Variants in FLG observed in about 807,000 individuals in gnomAD.
The protein encoded by FLG is filaggrin.
A neutral mutation model predicts 3.8 loss-of-function variants in FLG; 6 were observed. The observed-to-expected ratio is 1.60, with a 90% confidence interval of 0.87 to 3.15. The LOEUF (loss-of-function observed/expected upper bound fraction) is 3.15. Among genes scored for constraint, FLG ranks in the 30% most tolerant of loss-of-function variants. The pLI is 0.00. For synonymous variants in FLG, 2,551 were observed against 1,931.6 expected, an observed-to-expected ratio of 1.32 and a Z score of -8.41; for missense variants, 7,595 against 5,050.9, an observed-to-expected ratio of 1.50 and a Z score of -15.27.
In FLG at chr1:152,315,365, T is replaced by A. The variant is rs1652748910; in HGVS notation, c.92A>T (p.Lys31Ile). 1 of 1,613,310 alleles carries A rather than the reference T, an allele frequency of 6.2e-7. No homozygotes were observed. Among genetic ancestry groups the A allele is most frequent in the Non-Finnish European group, 8.5e-7 (1 of 1,179,570 alleles). Reference protein sequence around the residue: ...KDKNTDTLSKKELKELLEKEF... With the variant: ...KDKNTDTLSKIELKELLEKEF... ...CTTTTCCAGAAGTTCCTTCAGCTCT[T>A]TTTTACTCAATGTGTCAGTGTTTTT... Residue 31 changes from lysine to isoleucine, a missense_variant, in exon 2 of 3, where the codon AAA becomes ATA. Transcript: ENST00000368799.
Position 152,304,793 on chromosome 1 carries a change from G to C in FLG, c.10093C>G (p.Gln3365Glu). 6.2e-7 allele frequency: 1 copy of C among 1,613,904 alleles called. No homozygotes were observed. The change falls in exon 3 of 3, where the codon CAG (glutamine) becomes GAG (glutamate). Residue 3365 changes from glutamine (Q) to glutamate (E), a missense_variant. Coordinates refer to ENST00000368799, the MANE Select transcript of FLG (RefSeq NM_002016.2). ...CGTGCGGACTCTTGGTGGCTCTGCT[G>C]ATGGGGCCCAGCCTGTCCATGGCCT... Reference protein sequence around the residue: ...VSGHGQAGPHQQSHQESARDR... With the variant: ...VSGHGQAGPHEQSHQESARDR...
chr1:152,307,666 C>T lies in FLG; in HGVS notation c.7220G>A (p.Arg2407Lys), dbSNP rs568784696. Reference sequence around the variant, plus strand: ...GAGGAAAGACCCTGAACGTCCAGACCTTCCTGCTGACCGGCCACGTGTGGA... The same window carrying T: ...GAGGAAAGACCCTGAACGTCCAGACTTTCCTGCTGACCGGCCACGTGTGGA... ...QESTRGRSAG[R>K]SGRSGSFLYQ... The change falls in exon 3 of 3, where the codon AGG becomes AAG. Residue 2407 changes from arginine (R) to lysine (K), a missense_variant. Transcript: ENST00000368799. 48 of 1,613,252 alleles carry T rather than the reference C, an allele frequency of 3.0e-5. 1 individual carries two copies. In the South Asian group the frequency reaches 4.9e-4, roughly 17 times the overall value.
chr1:152,302,426 C>T lies in FLG; in HGVS notation c.*274G>A, dbSNP rs1651666362. 1 of 435,078 alleles carries T rather than the reference C, an allele frequency of 2.3e-6. No homozygotes were observed. Among genetic ancestry groups the T allele is most frequent in the South Asian group, 2.8e-5 (1 of 35,152 alleles). The allele number at this position is 435,078 out of a possible 1,614,324, so 27.0% of individuals were successfully genotyped here. The stretch of plus-strand genomic sequence containing the variant: ...AAACTTTCAAAAACATAAAACATTA[C>T]TTGACCCAGAATCTCCTAAAATACT... On this transcript the variant is annotated 3_prime_UTR_variant, in exon 3 of 3. Transcript: ENST00000368799.
At chr1:152,314,800 C>T in intron 2 of FLG, 53 bp from the exon 3 acceptor site, 3 of 1,607,558 alleles carry the variant, frequency 1.9e-6, no homozygotes, top group Non-Finnish European at 8.5e-7. Flanking sequence ...ATCACATTAT[C>T]AGCCAATTAA....
chr1:152,321,768 A>G (rs1190856488), intron 1 of FLG, among the ~76,000 whole-genome samples: 5 of 151,264 alleles, frequency 3.3e-5, no homozygotes, highest in Non-Finnish European at 5.9e-5. Context: ...CACATAGATT[A>G]TTTCAGAGAA....
Position 152,313,793 on chromosome 1 carries a change from A to G in FLG, c.1093T>C (p.Ser365Pro), listed in dbSNP as rs1409159447. The G allele has an allele frequency of 6.2e-7, 1 of 1,614,064 alleles. No individual in the cohort carries two copies. Among genetic ancestry groups the G allele is most frequent in the Non-Finnish European group, 8.5e-7 (1 of 1,179,992 alleles). ...TGGGATGATGCAGTCTGTCCACGAGAGGAAGTCTCTGCGTGACGAGTGCCT... is the reference window on the plus strand; with the variant it reads ...TGGGATGATGCAGTCTGTCCACGAGGGGAAGTCTCTGCGTGACGAGTGCCT... The part of the protein sequence containing the change: ...QSGTRHAETS[S>P]RGQTASSHEQ... The change falls in exon 3 of 3, where the codon TCT becomes CCT. Residue 365 changes from serine (S) to proline (P), a missense_variant. By Grantham distance (74) the Ser-to-Pro change is moderately conservative. Transcript: ENST00000368799.
In FLG at chr1:152,308,359, C is replaced by A. The variant is rs749135800; in HGVS notation, c.6527G>T (p.Arg2176Met). ...SHHSHTTSQG[R>M]SDASRGQSGS... The stretch of plus-strand genomic sequence containing the variant: ...TGACTGCCCACGGGAGGCATCAGAC[C>A]TTCCCTGGGATGTGGTGTGGCTGTG... The change falls in exon 3 of 3, where the codon AGG becomes ATG. Residue 2176 changes from arginine to methionine, a missense_variant. Coordinates refer to ENST00000368799, the MANE Select transcript of FLG (RefSeq NM_002016.2). 5.6e-6 allele frequency: 9 copies of A among 1,613,652 alleles called. No homozygotes were observed. The highest frequency in any genetic ancestry group is 6.8e-6 in the Non-Finnish European group (8 of 1,179,838).
Position 152,313,371 on chromosome 1 carries a change from C to G in FLG, c.1515G>C (p.Arg505Ser), listed in dbSNP as rs761320135. The change falls in exon 3 of 3, where the codon AGG becomes AGC. Residue 505 changes from arginine to serine, a missense_variant. Physicochemically the swap from Arg to Ser is moderately radical, Grantham distance 110. Coordinates refer to ENST00000368799, the MANE Select transcript of FLG (RefSeq NM_002016.2). The part of the protein sequence containing the change: ...SHHEQARDSS[R>S]HSASQEGQDT... ...CCTGACCCTCTTGGGACGCTGAATGCCTGGAGCTGTCTCGTGCCTGCTCGT... is the reference window on the plus strand; with the variant it reads ...CCTGACCCTCTTGGGACGCTGAATGGCTGGAGCTGTCTCGTGCCTGCTCGT... 32 of 1,613,174 alleles carry G rather than the reference C, an allele frequency of 2.0e-5. No homozygotes were observed. The East Asian group carries it at 6.7e-4, about 34-fold the overall frequency.
Position 152,313,806 on chromosome 1 carries a change from G to C in FLG, c.1080C>G (p.His360Gln). Residue 360 changes from histidine to glutamine, a missense_variant, in exon 3 of 3, where the codon CAC (histidine) becomes CAG (glutamine). Coordinates refer to ENST00000368799, the MANE Select transcript of FLG (RefSeq NM_002016.2). Reference protein sequence around the residue: ...ADSSRQSGTRHAETSSRGQTA... With the variant: ...ADSSRQSGTRQAETSSRGQTA... ...TCTGTCCACGAGAGGAAGTCTCTGCGTGACGAGTGCCTGATTGTCTGGAGC... is the reference window on the plus strand; with the variant it reads ...TCTGTCCACGAGAGGAAGTCTCTGCCTGACGAGTGCCTGATTGTCTGGAGC... 6.2e-7 allele frequency: 1 copy of C among 1,614,118 alleles called. No individual in the cohort carries two copies. Among genetic ancestry groups the C allele is most frequent in the South Asian group, 1.1e-5 (1 of 91,074 alleles).
chr1:152,309,593 A>G lies in FLG; in HGVS notation c.5293T>C (p.Phe1765Leu), dbSNP rs1169705837. The stretch of plus-strand genomic sequence containing the variant: ...TCATGAGTGCTCACCTGGTAGAGGA[A>G]AGACCCTGAACGTCCAGACCTTTCC... Reference protein sequence around the residue: ...SGERSGRSGSFLYQVSTHEQS... With the variant: ...SGERSGRSGSLLYQVSTHEQS... Residue 1765 changes from phenylalanine to leucine, a missense_variant, in exon 3 of 3, where the codon TTC becomes CTC. By Grantham distance (22) the Phe-to-Leu change is conservative. Transcript: ENST00000368799. 2 of 1,613,682 alleles carry G rather than the reference A, an allele frequency of 1.2e-6. No homozygotes were observed. The highest frequency in any genetic ancestry group is 2.2e-5 in the South Asian group (2 of 91,048).
In FLG at chr1:152,305,084, C is replaced by A. The variant is rs769328950; in HGVS notation, c.9802G>T (p.Ala3268Ser). The change falls in exon 3 of 3, where the codon GCA becomes TCA. Residue 3268 changes from alanine (A) to serine (S), a missense_variant. By Grantham distance (99) the Ala-to-Ser change is moderately conservative (BLOSUM62 1). Transcript: ENST00000368799. Reference protein sequence around the residue: ...HEDRAGHGHSADRSRQSGTRH... With the variant: ...HEDRAGHGHSSDRSRQSGTRH... ...GTGCCTGATTGTCTGGAGCGGTCTG[C>A]AGAGTGCCCGTGACCGGCTCTGTCT... The A allele has an allele frequency of 1.4e-5, 22 of 1,613,802 alleles. No homozygotes were observed. The highest frequency in any genetic ancestry group is 1.4e-5 in the Non-Finnish European group (17 of 1,179,960).
rs1393831758 is a variant in FLG, at chr1:152,310,707, A to T, written c.4179T>A (p.Ser1393Arg). Reference protein sequence around the residue: ...RDSGHRGSSGSQVTNSEGHSE... With the variant: ...RDSGHRGSSGRQVTNSEGHSE... ...AATGTCCCTCACTGTTAGTGACCTG[A>T]CTACCACTGGACCCTCGGTGTCCAC... Residue 1393 changes from serine (S) to arginine (R), a missense_variant, in exon 3 of 3, where the codon AGT becomes AGA. By Grantham distance (110) the Ser-to-Arg change is moderately radical. Coordinates refer to ENST00000368799, the MANE Select transcript of FLG (RefSeq NM_002016.2). 6.2e-7 allele frequency: 1 copy of T among 1,613,808 alleles called. No homozygotes were observed. Among genetic ancestry groups the T allele is most frequent in the Non-Finnish European group, 8.5e-7 (1 of 1,179,978 alleles).
rs760486851 is a variant in FLG at position 152,314,027 on chromosome 1, A to G, written c.859T>C (p.Ser287Pro). The G allele has an allele frequency of 3.1e-6, 5 of 1,613,026 alleles. No homozygotes were observed. Among genetic ancestry groups the G allele is most frequent in the Non-Finnish European group, 4.2e-6 (5 of 1,179,722 alleles). ...ENTSQVPLQE[S>P]RTRKRRGSRV... ...GATCCCCTACGCTTTCTTGTCCTGGACTCCTGCAATGGTACCTGGCTTGTA... is the reference window on the plus strand; with the variant it reads ...GATCCCCTACGCTTTCTTGTCCTGGGCTCCTGCAATGGTACCTGGCTTGTA... The change falls in exon 3 of 3, where the codon TCC becomes CCC. Residue 287 changes from serine (S) to proline (P), a missense_variant. Physicochemically the swap from Ser to Pro is moderately conservative, Grantham distance 74. Coordinates refer to ENST00000368799, the MANE Select transcript of FLG (RefSeq NM_002016.2).
chr1:152,308,503 T>G lies in FLG; in HGVS notation c.6383A>C (p.His2128Pro). Reference protein sequence around the residue: ...HYDQAQDSSRHSASQEGQDTI... With the variant: ...HYDQAQDSSRPSASQEGQDTI... ...GTCCTGACCCTCTTGGGATGCTGAG[T>G]GCCTGGAGCTGTCTTGTGCCTGATC... The change falls in exon 3 of 3, where the codon CAC becomes CCC. Residue 2128 changes from histidine to proline, a missense_variant. Physicochemically the swap from His to Pro is moderately conservative, Grantham distance 77. Coordinates refer to ENST00000368799, the MANE Select transcript of FLG (RefSeq NM_002016.2). 1 of 1,613,670 alleles carries G rather than the reference T, an allele frequency of 6.2e-7. No individual in the cohort carries two copies. Among genetic ancestry groups the G allele is most frequent in the Non-Finnish European group, 8.5e-7 (1 of 1,179,740 alleles).
At chr1:152,320,435 T>C (rs931583454) in intron 1 of FLG, among the ~76,000 whole-genome samples, 2 of 150,886 alleles carry the variant, frequency 1.3e-5, no homozygotes, top group African/African-American at 4.9e-5. Flanking sequence ...AGAGATACCA[T>C]TCAAACACTA....
At position 152,303,457 on chromosome 1, in the gene FLG, C is replaced by G; in HGVS notation, c.11429G>C (p.Ser3810Thr). ...CTGTTCCTCATTACGTGTTTCTCTGCTTGCACTTCTGGATCCTGACTGCCC... is the reference window on the plus strand; with the variant it reads ...CTGTTCCTCATTACGTGTTTCTCTGGTTGCACTTCTGGATCCTGACTGCCC... Reference protein sequence around the residue: ...SHGQSGSRSASRETRNEEQSG... With the variant: ...SHGQSGSRSATRETRNEEQSG... The change falls in exon 3 of 3, where the codon AGC (serine) becomes ACC (threonine). Residue 3810 changes from serine to threonine, a missense_variant. Physicochemically the swap from Ser to Thr is moderately conservative, Grantham distance 58 (BLOSUM62 1). Transcript: ENST00000368799. The G allele has an allele frequency of 6.2e-7, 1 of 1,614,108 alleles. No individual in the cohort carries two copies. The highest frequency in any genetic ancestry group is 8.5e-7 in the Non-Finnish European group (1 of 1,180,022).
chr1:152,302,645 A>G lies in FLG; in HGVS notation c.*55T>C. The G allele has an allele frequency of 6.2e-7, 1 of 1,601,470 alleles. No individual in the cohort carries two copies. Among genetic ancestry groups the G allele is most frequent in the African/African-American group, 1.3e-5 (1 of 74,686 alleles). On this transcript the variant is annotated 3_prime_UTR_variant, in exon 3 of 3. Coordinates refer to ENST00000368799, the MANE Select transcript of FLG (RefSeq NM_002016.2). The stretch of plus-strand genomic sequence containing the variant: ...AAGTATTATGAAGTTTCTTGATTGA[A>G]AGTGAACTTGCTTCATTCTTCTATT...
rs200505799 is a variant in FLG at position 152,309,631 on chromosome 1, C to T, written c.5255G>A (p.Arg1752His). Reference protein sequence around the residue: ...PHQQSHQESTRGQSGERSGRS... With the variant: ...PHQQSHQESTHGQSGERSGRS... ...TCCAGACCTTTCCCCTGACTGGCCACGTGTGGACTCTTGGTGGCTCTGCTG... is the reference window on the plus strand; with the variant it reads ...TCCAGACCTTTCCCCTGACTGGCCATGTGTGGACTCTTGGTGGCTCTGCTG... Residue 1752 changes from arginine to histidine, a missense_variant, in exon 3 of 3, where the codon CGT (arginine) becomes CAT (histidine). Coordinates refer to ENST00000368799, the MANE Select transcript of FLG (RefSeq NM_002016.2). The T allele has an allele frequency of 1.7e-5, 27 of 1,613,982 alleles. No homozygotes were observed. In the East Asian group the frequency reaches 1.8e-4, roughly 11 times the overall value.
rs757561931 is a variant in FLG at position 152,310,976 on chromosome 1, C to G, written c.3910G>C (p.Asp1304His). 4 of 1,613,764 alleles carry G rather than the reference C, an allele frequency of 2.5e-6. No homozygotes were observed. Among genetic ancestry groups the G allele is most frequent in the South Asian group, 1.1e-5 (1 of 91,048 alleles). ...TGGAACCCAGGGTGTCTGGAGCCAT[C>G]TCTTGACTGCTCCCGAGAAGATCCA... ...HHGSSREQSRDGSRHPGFHQE... is the reference protein window; with the variant it reads ...HHGSSREQSRHGSRHPGFHQE... The change falls in exon 3 of 3, where the codon GAT becomes CAT. Residue 1304 changes from aspartate to histidine, a missense_variant. Transcript: ENST00000368799.
Sources: allele counts gnomAD v4.1 joint callset (sites outside exome capture counted in the v4.1 genomes callset), GRCh38; gene constraint gnomAD v4.1.1; transcripts MANE v1.5; gene names NCBI Gene and HGNC (gene_info 2026-07-23, HGNC 2026-07-21).